Variants in EPHA3 observed in about 807,000 individuals in gnomAD.
EPHA3 encodes the protein ephrin type-A receptor 3.
In EPHA3, 42 loss-of-function variants were observed where a neutral mutation model predicts 107.1. The ratio of observed to expected loss-of-function variants is 0.39; its 90% CI spans 0.31 to 0.51. EPHA3 has a LOEUF of 0.51. Among genes scored for constraint, EPHA3 ranks in the 20% least tolerant of loss-of-function variants. The probability of loss-of-function intolerance (pLI) is 0.78; values close to 1 mark genes in which losing one functional copy is unlikely to be tolerated. For synonymous variants in EPHA3, 461 were observed against 424.8 expected, an observed-to-expected ratio of 1.09 and a Z score of -1.05; for missense variants, 1,183 against 1,211.2, an observed-to-expected ratio of 0.98 and a Z score of 0.35.
chr3:89,217,291 CT>C (rs879493842), intron 3 of EPHA3, among the ~76,000 whole-genome samples: 1 of 152,144 alleles, frequency 6.6e-6, no homozygotes, highest in African/African-American at 2.4e-5. Flanking sequence ...CATATATGCT[CT>C]TTTTTTGTAG....
At chr3:89,255,823 C>T (rs1246856044) in intron 3 of EPHA3, among the ~76,000 whole-genome samples, 2 of 152,028 alleles carry the variant, frequency 1.3e-5, no homozygotes, top group Non-Finnish European at 2.9e-5. Context: ...ATCGCTTGAA[C>T]CCAGGAGATG....
chr3:89,439,727 A>G (rs1395771248), intron 13 of EPHA3, among the ~76,000 whole-genome samples: 3 of 127,906 alleles, frequency 2.3e-5, no homozygotes, highest in African/African-American at 6.3e-5. Context: ...ATTAAGGCAC[A>G]CACACACACA....
chr3:89,468,530 A>G (rs1232597247), intron 15 of EPHA3, among the ~76,000 whole-genome samples: 1 of 152,208 alleles, frequency 6.6e-6, no homozygotes, highest in Non-Finnish European at 1.5e-5. Flanking sequence ...AAACCCATAA[A>G]TAAAAAAGTA....
chr3:89,162,304 C>A (rs1704966551), intron 2 of EPHA3, among the ~76,000 whole-genome samples: 2 of 152,094 alleles, frequency 1.3e-5, no homozygotes, highest in Non-Finnish European at 1.5e-5. Flanking sequence ...TGCCATACTC[C>A]AAATAAATTA....
intron 1 of EPHA3, among the ~76,000 whole-genome samples, chr3:89,122,324 T>C (rs1707409905): frequency 6.6e-6 from 1 of 152,226 alleles, no homozygotes; most frequent in African/African-American, 2.4e-5. Flanking sequence ...TTTATAGTTA[T>C]TTGTACTTGG....
chr3:89,261,588 TATA>T (rs1353440965), intron 3 of EPHA3, among the ~76,000 whole-genome samples: 1 of 152,096 alleles, frequency 6.6e-6, no homozygotes, highest in Non-Finnish European at 1.5e-5. Flanking sequence ...AGGGTTTGTA[TATA>T]ATAAGTGCTC....
At chr3:89,333,239 C>A (rs1052772125) in intron 3 of EPHA3, among the ~76,000 whole-genome samples, 2 of 152,224 alleles carry the variant, frequency 1.3e-5, no homozygotes, top group South Asian at 2.1e-4. Context: ...TGGCAGTTTG[C>A]TATTTTACCC....
intron 3 of EPHA3, among the ~76,000 whole-genome samples, chr3:89,314,827 G>A (rs553211192): frequency 4.6e-5 from 7 of 152,084 alleles, no homozygotes; most frequent in Middle Eastern, 6.8e-3. Context: ...ATGCAGTTAT[G>A]CGTTACTTAA....
intron 2 of EPHA3, among the ~76,000 whole-genome samples, chr3:89,181,991 C>T (rs1438265421): frequency 1.3e-5 from 2 of 151,314 alleles, no homozygotes; most frequent in African/African-American, 4.9e-5. Context: ...AGCATTTGAC[C>T]AGTGATAATC....
chr3:89,188,701 C>T (rs1377593759), intron 2 of EPHA3, among the ~76,000 whole-genome samples: 1 of 152,148 alleles, frequency 6.6e-6, no homozygotes, highest in Non-Finnish European at 1.5e-5. Flanking sequence ...CTTCTATATT[C>T]TTTCACCAAA....
At chr3:89,128,236 T>G (rs896210098) in intron 2 of EPHA3, among the ~76,000 whole-genome samples, 2 of 152,190 alleles carry the variant, frequency 1.3e-5, no homozygotes, top group Non-Finnish European at 2.9e-5. Context: ...CACCAGCGGA[T>G]GTTTTCCATC....
chr3:89,137,259 A>G (rs1342874114), intron 2 of EPHA3, among the ~76,000 whole-genome samples: 3 of 151,932 alleles, frequency 2.0e-5, no homozygotes, highest in South Asian at 2.1e-4. Flanking sequence ...TAAGAACAAG[A>G]TACATACCCT....
At chr3:89,295,936 A>G (rs79166987) in intron 3 of EPHA3, among the ~76,000 whole-genome samples, 2,217 of 152,280 alleles carry the variant, frequency 0.015, 57 homozygotes, top group African/African-American at 0.051. Flanking sequence ...CACCAGGAGT[A>G]GATTTCATCT....
At chr3:89,412,459 C>A (rs993589141) in intron 9 of EPHA3, among the ~76,000 whole-genome samples, 3 of 151,392 alleles carry the variant, frequency 2.0e-5, no homozygotes, top group Non-Finnish European at 3.0e-5. Flanking sequence ...TGTTATAAAG[C>A]TATACAATAT....
At chr3:89,116,399 C>T (rs1325249369) in intron 1 of EPHA3, among the ~76,000 whole-genome samples, 2 of 151,684 alleles carry the variant, frequency 1.3e-5, no homozygotes, top group East Asian at 1.9e-4. Context: ...TGGAAATTTC[C>T]CCCCGTTTAA....
intron 9 of EPHA3, among the ~76,000 whole-genome samples, chr3:89,409,551 GT>G (rs1170649284): frequency 2.6e-5 from 4 of 151,802 alleles, no homozygotes; most frequent in Non-Finnish European, 4.4e-5. Context: ...TTTTGCTATT[GT>G]TTTTATGGTG....
intron 5 of EPHA3, among the ~76,000 whole-genome samples, chr3:89,389,817 T>C (rs759119997): frequency 6.6e-6 from 1 of 152,240 alleles, no homozygotes; most frequent in Non-Finnish European, 1.5e-5. Context: ...GGAGACACTT[T>C]CTAGCCAACA....
At chr3:89,254,820 A>G (rs1159114038) in intron 3 of EPHA3, among the ~76,000 whole-genome samples, 1 of 152,232 alleles carries the variant, frequency 6.6e-6, no homozygotes. Flanking sequence ...TGGAAGCTTC[A>G]GTGCCCATCA....
intron 5 of EPHA3, among the ~76,000 whole-genome samples, chr3:89,380,837 T>TGGCTCACCGCAACCTC (rs1002933186): frequency 1.3e-5 from 2 of 151,742 alleles, no homozygotes; most frequent in African/African-American, 4.8e-5. Flanking sequence ...GGCGCAATCT[T>TGGCTCACCGCAACCTC]GGCTCACCGC....
Sources: allele counts gnomAD v4.1 joint callset (sites outside exome capture counted in the v4.1 genomes callset), GRCh38; gene constraint gnomAD v4.1.1; transcripts MANE v1.5; gene names NCBI Gene and HGNC (gene_info 2026-07-23, HGNC 2026-07-21).